CCDC62: variants seen among roughly 807,000 people sequenced by gnomAD.
The protein encoded by CCDC62 is coiled-coil domain containing 62.
CCDC62 carries 72 observed loss-of-function variants against 80.8 expected under a neutral mutation model. The ratio of observed to expected loss-of-function variants is 0.89; its 90% CI spans 0.74 to 1.08. The LOEUF (loss-of-function observed/expected upper bound fraction) is 1.08. Ranked by LOEUF, CCDC62 falls within the 50% of genes least tolerant of loss-of-function variation. CCDC62 has a pLI of 0.00. For synonymous variants in CCDC62, 286 were observed against 296.5 expected (o/e 0.96, Z 0.36); for missense variants, 704 against 809.4 (o/e 0.87, Z 1.58).
chr12:122,779,749 A>T (rs988877179), intron 2 of CCDC62, among the ~76,000 whole-genome samples: 1 of 151,860 alleles, frequency 6.6e-6, no homozygotes, highest in Non-Finnish European at 1.5e-5. Flanking sequence ...CTCTACTAAA[A>T]ATACAAAAAT....
intron 11 of CCDC62, among the ~76,000 whole-genome samples, chr12:122,818,153 C>G (rs1429297331): frequency 1.3e-5 from 2 of 151,790 alleles, no homozygotes; most frequent in Admixed American, 6.6e-5. Context: ...ACAAAAAATT[C>G]AAAAATTAGC....
intron 5 of CCDC62, 71 bp from the exon 6 acceptor site, chr12:122,791,949 A>C: frequency 1.0e-6 from 1 of 982,260 alleles, no homozygotes; most frequent in South Asian, 1.3e-5. Flanking sequence ...TGTGAGAGTT[A>C]GGCATAGTGT....
rs1451324647 is a variant in CCDC62 at position 122,781,192 on chromosome 12, C to G, written c.258C>G (p.Ile86Met). 58 of 1,613,542 alleles carry G rather than the reference C, an allele frequency of 3.6e-5. No homozygotes were observed. The highest frequency in any genetic ancestry group is 4.7e-5 in the Non-Finnish European group (55 of 1,179,834). ...EGELHKRTEI[I>M]RSLTKKVKAL... ...AACTACATAAAAGAACTGAAATAAT[C>G]AGGTCACTCACGAAGAAGGTAAAAG... Residue 86 changes from isoleucine (I) to methionine (M), a missense_variant, in exon 3 of 13, where the codon ATC (isoleucine) becomes ATG (methionine). Physicochemically the swap from Ile to Met is conservative, Grantham distance 10. Coordinates refer to ENST00000253079, the MANE Select transcript of CCDC62 (RefSeq NM_201435.5).
chr12:122,806,237 A>G lies in CCDC62; in HGVS notation c.1793A>G (p.Lys598Arg). The G allele has an allele frequency of 6.2e-7, 1 of 1,613,880 alleles. No individual in the cohort carries two copies. Residue 598 changes from lysine to arginine, a missense_variant, in exon 10 of 13, where the codon AAA becomes AGA. Lys to Arg is a conservative substitution (Grantham distance 26). Coordinates refer to ENST00000253079, the MANE Select transcript of CCDC62 (RefSeq NM_201435.5). ...REDETESSSN[K>R]KNSPTSLLIY... ...GATGAGACGGAGTCCTCTTCCAATA[A>G]AAAGAACTCACCTACGAGTTTGTTA...
intron 4 of CCDC62, among the ~76,000 whole-genome samples, chr12:122,786,736 A>G (rs1057029141): frequency 5.3e-5 from 8 of 150,510 alleles, no homozygotes; most frequent in Non-Finnish European, 1.0e-4. Context: ...CGAGGCGGGC[A>G]GATCACGAGG....
chr12:122,788,694 C>A, intron 4 of CCDC62, 64 bp from the exon 5 acceptor site: 1 of 1,052,568 alleles, frequency 9.5e-7, no homozygotes, highest in Non-Finnish European at 1.4e-6. Context: ...TTAGTGTTAT[C>A]TTTTCTTCTT....
chr12:122,810,860 G>A (rs1382155405), intron 10 of CCDC62, among the ~76,000 whole-genome samples: 1 of 152,134 alleles, frequency 6.6e-6, no homozygotes, highest in Non-Finnish European at 1.5e-5. Flanking sequence ...ATGAGTTCGT[G>A]TCCTTTGTAG....
intron 3 of CCDC62, among the ~76,000 whole-genome samples, chr12:122,782,875 A>G (rs1053532318): frequency 7.9e-5 from 12 of 151,324 alleles, no homozygotes; most frequent in Middle Eastern, 3.4e-3. Flanking sequence ...TGGGAGGCCG[A>G]GGTGGGCGGT....
intron 6 of CCDC62, among the ~76,000 whole-genome samples, chr12:122,796,531 G>C (rs1440996861): frequency 1.3e-5 from 2 of 152,172 alleles, no homozygotes; most frequent in Admixed American, 1.3e-4. Flanking sequence ...CACGGAGTCA[G>C]ATGCACTACG....
In CCDC62 at chr12:122,823,531, C is replaced by A. The variant is rs1397399823; in HGVS notation, c.*40+72C>A. 8.8e-6 allele frequency: 7 copies of A among 791,522 alleles called. No homozygotes were observed. In the African/African-American group the frequency reaches 1.0e-4, roughly 12 times the overall value. 49.0% of individuals were successfully genotyped at this position (791,522 alleles called of 1,614,324 possible). A position where few individuals can be genotyped will look rare whatever the true frequency, so the allele number is the denominator to read the frequency against. On this transcript the variant is annotated intron_variant, in intron 12 of 12. Transcript: ENST00000253079. The stretch of plus-strand genomic sequence containing the variant: ...ATAAGTAACTTGGGAACATCGATAA[C>A]GTTGAGTCAAGGCCATGCATTTGTT...
intron 8 of CCDC62, among the ~76,000 whole-genome samples, chr12:122,799,437 G>A (rs1224181786): frequency 6.6e-6 from 1 of 152,184 alleles, no homozygotes; most frequent in Non-Finnish European, 1.5e-5. Flanking sequence ...ATTGATTACT[G>A]AGTAGGAGCC....
In CCDC62 at chr12:122,797,350, G is replaced by C. The variant is rs1197502961; in HGVS notation, c.816G>C (p.Lys272Asn). 6.2e-7 allele frequency: 1 copy of C among 1,601,372 alleles called. No homozygotes were observed. The highest frequency in any genetic ancestry group is 8.6e-7 in the Non-Finnish European group (1 of 1,168,748). ...KRKDELLNIA[K>N]SKQERTNSEL... ...AAGATGAATTGCTTAATATTGCGAA[G>C]TCAAAGCAAGAACGCACAAATTCAG... Residue 272 changes from lysine (K) to asparagine (N), a missense_variant, in exon 7 of 13, where the codon AAG (lysine) becomes AAC (asparagine). Lys to Asn is a moderately conservative substitution (Grantham distance 94). Coordinates refer to ENST00000253079, the MANE Select transcript of CCDC62 (RefSeq NM_201435.5).
chr12:122,825,440 G>C (rs1177448005), intron 12 of CCDC62, among the ~76,000 whole-genome samples: 1 of 145,362 alleles, frequency 6.9e-6, no homozygotes, highest in Non-Finnish European at 1.5e-5. Context: ...TCCGCCTCCC[G>C]GGTTCAAGCG....
chr12:122,821,219 A>T (rs2135595395), intron 11 of CCDC62, among the ~76,000 whole-genome samples: 1 of 152,254 alleles, frequency 6.6e-6, no homozygotes, highest in East Asian at 1.9e-4. Flanking sequence ...CTGAGGGCTC[A>T]CTGGATCGGT....
At chr12:122,815,216 T>G (rs895356682) in intron 11 of CCDC62, among the ~76,000 whole-genome samples, 1 of 151,768 alleles carries the variant, frequency 6.6e-6, no homozygotes, top group Non-Finnish European at 1.5e-5. Flanking sequence ...GTAGCTGGGA[T>G]TACACGTACA....
At chr12:122,785,079 C>T (rs930118122) in intron 3 of CCDC62, among the ~76,000 whole-genome samples, 1 of 149,762 alleles carries the variant, frequency 6.7e-6, no homozygotes, top group African/African-American at 2.5e-5. Context: ...GCAGAGGTTG[C>T]AGTGAGCCGA....
intron 3 of CCDC62, among the ~76,000 whole-genome samples, chr12:122,782,882 C>T (rs1490229346): frequency 6.6e-6 from 1 of 151,436 alleles, no homozygotes; most frequent in African/African-American, 2.4e-5. Context: ...CCGAGGTGGG[C>T]GGTGACTTGA....
At chr12:122,780,801 G>T (rs1327443944) in intron 2 of CCDC62, among the ~76,000 whole-genome samples, 2 of 152,028 alleles carry the variant, frequency 1.3e-5, no homozygotes, top group East Asian at 1.9e-4. Flanking sequence ...GCAAACAGAA[G>T]AATTGTCAGA....
Position 122,777,698 on chromosome 12 carries a change from C to T in CCDC62, c.229+15C>T. On this transcript the variant is annotated intron_variant, in intron 2 of 12. Coordinates refer to ENST00000253079, the MANE Select transcript of CCDC62 (RefSeq NM_201435.5). ...CAAATTAGAAGGTCAGAAATACATT[C>T]AGGGACAACAGTTATGCACTTCTGT... 2 of 1,609,614 alleles carry T rather than the reference C, an allele frequency of 1.2e-6. No homozygotes were observed. Among genetic ancestry groups the T allele is most frequent in the Non-Finnish European group, 1.7e-6 (2 of 1,176,148 alleles).
Sources: allele counts gnomAD v4.1 joint callset (sites outside exome capture counted in the v4.1 genomes callset), GRCh38; gene constraint gnomAD v4.1.1; transcripts MANE v1.5; gene names NCBI Gene and HGNC (gene_info 2026-07-23, HGNC 2026-07-21).